The following CCNK variants were observed in gnomAD, a reference collection of about 807,000 sequenced individuals.
The protein encoded by CCNK is cyclin-K.
Under a neutral mutation model 65.0 loss-of-function variants are expected in CCNK, and 9 were observed. That is an observed-to-expected ratio of 0.14 (90% CI 0.08 to 0.24). The LOEUF is 0.24. Ranked by LOEUF, CCNK falls within the 10% of genes least tolerant of loss-of-function variation. The probability of loss-of-function intolerance (pLI) is 1.00; values close to 1 mark genes in which losing one functional copy is unlikely to be tolerated. For missense variants in CCNK, 474 were observed against 720.0 expected (o/e 0.66, Z 3.91); for synonymous variants, 279 against 270.8 (o/e 1.03, Z -0.30).
At chr14:99,483,687 G>A (rs922950089) in intron 1 of CCNK, among the ~76,000 whole-genome samples, 2 of 152,260 alleles carry the variant, frequency 1.3e-5, no homozygotes, top group African/African-American at 4.8e-5. Context: ...AATACTGTGT[G>A]TAGACACAAG....
At chr14:99,484,943 T>C (rs1038445224) in intron 1 of CCNK, among the ~76,000 whole-genome samples, 1 of 152,240 alleles carries the variant, frequency 6.6e-6, no homozygotes, top group Non-Finnish European at 1.5e-5. Context: ...TGCTTGTTTA[T>C]GGATTTTCAT....
chr14:99,486,025 C>T (rs1275441116), intron 1 of CCNK, among the ~76,000 whole-genome samples: 1 of 152,116 alleles, frequency 6.6e-6, no homozygotes, highest in African/African-American at 2.4e-5. Context: ...ACAAATTACC[C>T]ATTTAAACTG....
intron 7 of CCNK, 124 bp downstream of exon 7, chr14:99,502,500 T>C: frequency 7.1e-7 from 1 of 1,407,664 alleles, no homozygotes; most frequent in South Asian, 1.5e-5. Context: ...TTCAGAAGCA[T>C]CATTAATTAA....
intron 1 of CCNK, among the ~76,000 whole-genome samples, chr14:99,490,457 T>C (rs1395668530): frequency 6.6e-6 from 1 of 152,232 alleles, no homozygotes. Context: ...ACAAAACTCA[T>C]CTATCTTTAC....
At chr14:99,487,987 A>G (rs1896526537) in intron 1 of CCNK, among the ~76,000 whole-genome samples, 1 of 152,200 alleles carries the variant, frequency 6.6e-6, no homozygotes, top group Non-Finnish European at 1.5e-5. Context: ...ATTGTATGAA[A>G]GAATAGTGCA....
In CCNK at chr14:99,497,822, C is replaced by G. The variant is rs140110808; in HGVS notation, c.411+2193C>G. 4.7e-4 allele frequency among the ~76,000 whole-genome samples: 72 copies of G among 152,284 alleles called. No homozygotes were observed. The East Asian group carries it at 0.011, about 24-fold the overall frequency. ...TTCTAAGTATTGCCAATGTGGGTAA[C>G]TCTTTTGAACTTAATTATAAATCCA... On this transcript the variant is annotated intron_variant, in intron 4 of 10. Transcript: ENST00000389879.
intron 4 of CCNK, among the ~76,000 whole-genome samples, chr14:99,497,265 C>T (rs1167566283): frequency 6.6e-6 from 1 of 152,146 alleles, no homozygotes; most frequent in Non-Finnish European, 1.5e-5. Context: ...TCCCCGCTAA[C>T]CTCTGGCAAC....
In CCNK at chr14:99,496,653, T is replaced by G. The variant is rs548972616; in HGVS notation, c.411+1024T>G. Among the ~76,000 whole-genome samples, 892 of 151,284 alleles carry G rather than the reference T, an allele frequency of 5.9e-3. 9 individuals are homozygous for G. Among genetic ancestry groups the G allele is most frequent in the African/African-American group, 0.021 (844 of 41,142 alleles). The stretch of plus-strand genomic sequence containing the variant: ...TGAACCCGGGAGGCGGAGCTTGCAG[T>G]GAGCCGAGATGGCACCACTACCCTC... On this transcript the variant is annotated intron_variant, in intron 4 of 10. Coordinates refer to ENST00000389879, the MANE Select transcript of CCNK (RefSeq NM_001099402.2).
chr14:99,499,897 G>T (rs1896783325), intron 4 of CCNK, among the ~76,000 whole-genome samples: 1 of 152,168 alleles, frequency 6.6e-6, no homozygotes, highest in Non-Finnish European at 1.5e-5. Flanking sequence ...AATCCTCTGA[G>T]TTTCCAATGA....
chr14:99,481,851 G>A (rs1299358912), intron 1 of CCNK, among the ~76,000 whole-genome samples: 1 of 152,252 alleles, frequency 6.6e-6, no homozygotes, highest in Non-Finnish European at 1.5e-5. Context: ...ATTTCGCGGC[G>A]TATTAGTCCC....
At chr14:99,485,434 A>G (rs911179205) in intron 1 of CCNK, among the ~76,000 whole-genome samples, 2 of 152,146 alleles carry the variant, frequency 1.3e-5, no homozygotes, top group Non-Finnish European at 2.9e-5. Flanking sequence ...ATTATTTAAA[A>G]ATATCTTTCT....
intron 10 of CCNK, chr14:99,509,526 G>C (rs1234818976): frequency 1.3e-5 from 2 of 152,934 alleles, no homozygotes; most frequent in Non-Finnish European, 2.9e-5. Context: ...AGCACGCACA[G>C]ACATGCAGCA....
At chr14:99,488,279 A>T (rs1440538190) in intron 1 of CCNK, among the ~76,000 whole-genome samples, 113 of 131,222 alleles carry the variant, frequency 8.6e-4, no homozygotes, top group East Asian at 1.4e-3. Context: ...CTTTTTTTTA[A>T]AAAAAAAAAA....
intron 4 of CCNK, 57 bp downstream of exon 4, chr14:99,495,686 A>T: frequency 1.3e-6 from 2 of 1,487,388 alleles, no homozygotes. Flanking sequence ...GTAGTATTGT[A>T]CAGTTCCACA....
At chr14:99,497,345 T>A (rs551150264) in intron 4 of CCNK, among the ~76,000 whole-genome samples, 2 of 152,356 alleles carry the variant, frequency 1.3e-5, no homozygotes, top group East Asian at 3.8e-4. Flanking sequence ...TCATATAGGA[T>A]GTAGCTTTTT....
In CCNK at chr14:99,510,262, C is replaced by T. The variant is rs1400046688; in HGVS notation, c.1223C>T (p.Ala408Val). 2 of 1,551,886 alleles carry T rather than the reference C, an allele frequency of 1.3e-6. No individual in the cohort carries two copies. Among genetic ancestry groups the T allele is most frequent in the Admixed American group, 1.8e-5 (1 of 54,084 alleles). The change falls in exon 11 of 11, where the codon GCC becomes GTC. Residue 408 changes from alanine to valine, a missense_variant. Physicochemically the swap from Ala to Val is moderately conservative, Grantham distance 64. Around this residue, in one of 6 missense-constraint regions of CCNK, gnomAD observed 229 missense variants for 275.5 expected, o/e 0.83. Coordinates refer to ENST00000389879, the MANE Select transcript of CCNK (RefSeq NM_001099402.2). ...CAGATTCCCCCTCCGGCCCACCCGG[C>T]CCCTGTGCACCAGCCACCGCCGCTG... is the stretch of plus-strand genomic sequence containing the variant. ...KVQIPPPAHP[A>V]PVHQPPPLPH...
chr14:99,495,518 C>A lies in CCNK; in HGVS notation c.300C>A (p.Leu100=). 1 of 1,611,836 alleles carries A rather than the reference C, an allele frequency of 6.2e-7. No individual in the cohort carries two copies. Among genetic ancestry groups the A allele is most frequent in the South Asian group, 1.1e-5 (1 of 90,614 alleles). The stretch of plus-strand genomic sequence containing the variant: ...TTTAGGTGACAGGAGCCTGTTGCCT[C>A]TTTCTGGCTGGGAAAGTAGAAGAAA... ...FPRYVTGACC[L]FLAGKVEETP... Residue 100 remains leucine (L), a synonymous_variant, in exon 4 of 11, where the codon CTC becomes CTA. Transcript: ENST00000389879.
rs1896686677 is a variant in CCNK, at chr14:99,495,689, G to T, written c.411+60G>T. On this transcript the variant is annotated intron_variant, in intron 4 of 10. Coordinates refer to ENST00000389879, the MANE Select transcript of CCNK (RefSeq NM_001099402.2). ...TGATTCCTTATGGTAGTATTGTACA[G>T]TTCCACATGTTGACAGTGCCTGTAG... 2.1e-6 allele frequency: 3 copies of T among 1,448,126 alleles called. No individual in the cohort carries two copies. The South Asian group carries it at 4.3e-5, about 21-fold the overall frequency. 89.7% of individuals were successfully genotyped at this position (1,448,126 alleles called of 1,614,324 possible).
chr14:99,486,748 A>T (rs568208021), intron 1 of CCNK, among the ~76,000 whole-genome samples: 31 of 152,316 alleles, frequency 2.0e-4, no homozygotes, highest in African/African-American at 6.7e-4. Context: ...CCCTTGTTCC[A>T]GCTGCCATTG....
Sources: gnomAD v4.1 joint callset for allele counts (sites outside exome capture counted in the v4.1 genomes callset) on GRCh38, gnomAD v4.1.1 for gene constraint, gnomAD v4.1.1 regional missense constraint, MANE v1.5 for transcripts, NCBI Gene and HGNC (gene_info 2026-07-23, HGNC 2026-07-21) for gene names.